TSPAN14: variants seen among roughly 807,000 people sequenced by gnomAD.
TSPAN14 encodes the protein tetraspanin 14.
A neutral mutation model predicts 36.6 loss-of-function variants in TSPAN14; 16 were observed. That is an observed-to-expected ratio of 0.44 (90% confidence interval 0.30 to 0.66). TSPAN14 has a LOEUF of 0.66. TSPAN14 is among the 30% of genes least tolerant of loss of function. The pLI is 0.12. For synonymous variants in TSPAN14, 139 were observed against 143.8 expected (o/e 0.97, Z 0.24); for missense variants, 231 against 355.1 (o/e 0.65, Z 2.81).
chr10:80,513,895 G>A (rs1022026123), intron 6 of TSPAN14, 124 bp from the exon 7 acceptor site: 1 of 791,834 alleles, frequency 1.3e-6, no homozygotes, highest in South Asian at 1.6e-5. Context: ...CATGATTGAA[G>A]GACATGAGCT....
intron 2 of TSPAN14, among the ~76,000 whole-genome samples, chr10:80,497,088 C>T (rs1848238198): frequency 6.6e-6 from 1 of 152,134 alleles, no homozygotes; most frequent in Non-Finnish European, 1.5e-5. Context: ...CATTTAATAT[C>T]ATATGTGAGA....
intron 2 of TSPAN14, among the ~76,000 whole-genome samples, chr10:80,493,349 G>A (rs1051836192): frequency 2.0e-5 from 3 of 152,210 alleles, no homozygotes; most frequent in African/African-American, 4.8e-5. Flanking sequence ...CAGTATGGTA[G>A]TTCCACAAAA....
chr10:80,502,453 G>A (rs1260643633), intron 2 of TSPAN14, among the ~76,000 whole-genome samples: 1 of 152,174 alleles, frequency 6.6e-6, no homozygotes, highest in African/African-American at 2.4e-5. Flanking sequence ...GGGTGGAGCC[G>A]GGGCAGGTGG....
rs549684721 is a variant in TSPAN14, at chr10:80,507,097, C to T, written c.133-131C>T. 3.2e-6 allele frequency: 4 copies of T among 1,232,794 alleles called. No homozygotes were observed. In the East Asian group the frequency reaches 1.0e-4, roughly 31 times the overall value. 76.4% of individuals were successfully genotyped at this position (1,232,794 alleles called of 1,614,324 possible). On this transcript the variant is annotated intron_variant, in intron 3 of 8. Coordinates refer to ENST00000429989, the Ensembl canonical transcript of TSPAN14. ...GGGCATGGATGGGGCCGGACTCTGG[C>T]CTGGCTGTCAACAAGAGGGCTGAGC...
chr10:80,497,970 T>G (rs1417859006), intron 2 of TSPAN14, among the ~76,000 whole-genome samples: 1 of 152,184 alleles, frequency 6.6e-6, no homozygotes, highest in Non-Finnish European at 1.5e-5. Context: ...CCCTCTGTCA[T>G]AAGGAAGCCG....
intron 1 of TSPAN14, among the ~76,000 whole-genome samples, chr10:80,483,911 CAAAAAAAAAAAAAAAAAAAAAAAAAAA>C (rs57795678): frequency 6.1e-5 from 1 of 16,528 alleles, no homozygotes. Flanking sequence ...ACTCTTGTCT[CAAAAAAAAAAAAAAAAAAAAAAAAAAA>C]AAAAAAAAAA....
chr10:80,492,941 C>T lies in TSPAN14; in HGVS notation c.81+3627C>T, dbSNP rs116684150. The stretch of plus-strand genomic sequence containing the variant: ...AAGGTTTTCCCGGGATTGTTAAAAC[C>T]TGCTTGGGATAAGAAATGTGGATGC... On this transcript the variant is annotated intron_variant, in intron 2 of 8. Coordinates refer to ENST00000429989, the Ensembl canonical transcript of TSPAN14. Among the ~76,000 whole-genome samples the T allele has an allele frequency of 8.3e-3, 1,262 of 152,160 alleles. 19 individuals carry two copies. Among genetic ancestry groups the T allele is most frequent in the African/African-American group, 0.029 (1,202 of 41,482 alleles).
At chr10:80,480,764 A>G (rs1325802869) in intron 1 of TSPAN14, among the ~76,000 whole-genome samples, 1 of 149,166 alleles carries the variant, frequency 6.7e-6, no homozygotes. Context: ...GGAACGTCAC[A>G]CTCTGGGGAC....
chr10:80,487,744 G>A (rs1337675565), intron 1 of TSPAN14, among the ~76,000 whole-genome samples: 1 of 151,962 alleles, frequency 6.6e-6, no homozygotes, highest in East Asian at 1.9e-4. Context: ...GGCGGTGGTA[G>A]GGGGGAGGTG....
At chr10:80,462,354 T>TGGGGC (rs1846019985) in intron 1 of TSPAN14, among the ~76,000 whole-genome samples, 1 of 35,598 alleles carries the variant, frequency 2.8e-5, no homozygotes, top group African/African-American at 1.4e-4. Flanking sequence ...AGGAATGGGG[T>TGGGGC]GGGATGGGAT....
chr10:80,517,919 C>T, exon 9 of TSPAN14: 3 of 1,565,840 alleles, frequency 1.9e-6, no homozygotes, highest in Non-Finnish European at 2.6e-6. Flanking sequence ...TTGGCATCTT[C>T]CTGGCAAGGA....
At chr10:80,517,842 G>A (rs1012103143) in intron 8 of TSPAN14, 63 bp from the exon 9 acceptor site, 16 of 1,497,494 alleles carry the variant, frequency 1.1e-5, no homozygotes, top group African/African-American at 4.2e-5. Flanking sequence ...CCCACCCTCC[G>A]CTCCCTGCCC....
chr10:80,495,400 C>G (rs1369640963), intron 2 of TSPAN14, among the ~76,000 whole-genome samples: 1 of 148,344 alleles, frequency 6.7e-6, no homozygotes, highest in Admixed American at 6.7e-5. Flanking sequence ...TGTATTTCAT[C>G]ATTTAGGCTT....
intron 1 of TSPAN14, chr10:80,459,404 C>G (rs1282703724): frequency 6.6e-6 from 1 of 152,582 alleles, no homozygotes; most frequent in Non-Finnish European, 1.5e-5. Flanking sequence ...AGCTAGATAG[C>G]TGGAGGAACT....
chr10:80,487,582 A>T (rs1373758625), intron 1 of TSPAN14, among the ~76,000 whole-genome samples: 1 of 152,082 alleles, frequency 6.6e-6, no homozygotes, highest in African/African-American at 2.4e-5. Context: ...CTCTTCCTTG[A>T]GAGCTGCTTT....
chr10:80,464,077 G>A (rs928092608), intron 1 of TSPAN14, among the ~76,000 whole-genome samples: 1 of 152,178 alleles, frequency 6.6e-6, no homozygotes, highest in Admixed American at 6.5e-5. Flanking sequence ...TCTCATAGTG[G>A]GTTCCAGCAA....
In TSPAN14 at chr10:80,485,805, A is replaced by G. The variant is rs564494324; in HGVS notation, c.-17-3412A>G. 8 of 541,536 alleles carry G rather than the reference A, an allele frequency of 1.5e-5. No individual in the cohort carries two copies. The South Asian group carries it at 4.0e-4, about 27-fold the overall frequency. The allele number at this position is 541,536 out of a possible 1,614,324, so 33.5% of individuals were successfully genotyped here. Reference sequence around the variant, plus strand: ...TGTTTCTTTTCAACAGTTTATTGCAATAGTTTCCTCTTCTGTGGGTTGAGG... The same window carrying G: ...TGTTTCTTTTCAACAGTTTATTGCAGTAGTTTCCTCTTCTGTGGGTTGAGG... On this transcript the variant is annotated intron_variant, in intron 1 of 8. Transcript: ENST00000429989.
exon 2 of TSPAN14, chr10:80,489,226 C>G: frequency 4.5e-6 from 7 of 1,573,010 alleles, no homozygotes; most frequent in Non-Finnish European, 6.1e-6. Context: ...GATTCTGCTT[C>G]TCAGAAGATG....
intron 1 of TSPAN14, among the ~76,000 whole-genome samples, chr10:80,455,912 A>G (rs1328620968): frequency 6.6e-6 from 1 of 152,166 alleles, no homozygotes; most frequent in African/African-American, 2.4e-5. Flanking sequence ...TTATAGTGAC[A>G]GGCCCTGGAA....
Sources: allele counts gnomAD v4.1 joint callset (sites outside exome capture counted in the v4.1 genomes callset), GRCh38; gene constraint gnomAD v4.1.1; transcripts MANE v1.5; gene names NCBI Gene and HGNC (gene_info 2026-07-23, HGNC 2026-07-21).